The following PUM1 variants were observed in gnomAD, a reference collection of about 807,000 sequenced individuals.
The protein encoded by PUM1 is pumilio homolog 1.
In PUM1, 13 loss-of-function variants were observed where a neutral mutation model predicts 131.8. The ratio of observed to expected loss-of-function variants is 0.10; its 90% CI spans 0.06 to 0.16. The LOEUF (loss-of-function observed/expected upper bound fraction) is 0.16, where lower values mean the gene tolerates loss of function less well. PUM1 is among the 10% of genes least tolerant of loss of function. PUM1 has a pLI of 1.00. For missense variants in PUM1, 961 were observed against 1,512.4 expected (o/e 0.64, Z 6.05); for synonymous variants, 509 against 556.5 (o/e 0.91, Z 1.20).
In PUM1 at chr1:31,056,609, CTTTTTTTTTTTTTTTT is replaced by C. The variant is rs57685772; in HGVS notation, c.363+2579_363+2594del. 2.3e-4 allele frequency among the ~76,000 whole-genome samples: 10 copies of C among 43,710 alleles called. No individual in the cohort carries two copies. The South Asian group carries it at 3.9e-3, about 17-fold the overall frequency. 28.7% of individuals were successfully genotyped at this position (43,710 alleles called of 152,430 possible). On this transcript the variant is annotated intron_variant, in intron 2 of 21. Transcript: ENST00000426105. ...CAGCTGAAAACCTTCCTTTTCTTTT[CTTTTTTTTTTTTTTTT>C]TTTTTTTTTTTTTTTTTTTGAGACA...
intron 1 of PUM1, among the ~76,000 whole-genome samples, 174 bp downstream of exon 1, chr1:31,065,442 T>A (rs1481517253): frequency 1.3e-4 from 20 of 150,226 alleles, no homozygotes; most frequent in African/African-American, 4.9e-4. Flanking sequence ...GCCTTGCTGC[T>A]GACTCCAAAA....
At chr1:30,943,194 T>A (rs557828865) in intron 18 of PUM1, among the ~76,000 whole-genome samples, 1 of 152,340 alleles carries the variant, frequency 6.6e-6, no homozygotes, top group Admixed American at 6.5e-5. Context: ...TCACTCAACA[T>A]TATGATTCCC....
At chr1:31,015,259 T>C (rs1642769559) in intron 3 of PUM1, among the ~76,000 whole-genome samples, 1 of 152,230 alleles carries the variant, frequency 6.6e-6, no homozygotes, top group Non-Finnish European at 1.5e-5. Flanking sequence ...AAAACTGAGA[T>C]TATGGTGGTC....
Position 30,966,446 on chromosome 1 carries a change from G to A in PUM1, c.1790-168C>T, listed in dbSNP as rs967281066. ...CCTTCATATGAAGCTTCTATTTTCT[G>A]TTTCTACTTTCAATTTGAACTCAAA... On this transcript the variant is annotated intron_variant, in intron 12 of 21. Coordinates refer to ENST00000426105, the MANE Select transcript of PUM1 (RefSeq NM_001020658.2). 7.8e-6 allele frequency: 5 copies of A among 642,728 alleles called. No homozygotes were observed. The East Asian group carries it at 1.5e-4, about 19-fold the overall frequency. 39.8% of individuals were successfully genotyped at this position (642,728 alleles called of 1,614,324 possible).
chr1:31,016,893 A>G (rs1642838611), intron 3 of PUM1, among the ~76,000 whole-genome samples: 1 of 152,188 alleles, frequency 6.6e-6, no homozygotes, highest in South Asian at 2.1e-4. Context: ...AGATTTTTTA[A>G]AGGTTTTCCC....
At chr1:31,037,019 A>T in intron 2 of PUM1, 1 of 166,640 alleles carries the variant, frequency 6.0e-6, no homozygotes, top group Non-Finnish European at 1.3e-5. Flanking sequence ...TTTTGTGCTG[A>T]GAACAGATAC....
chr1:31,006,189 G>A (rs1482400674), intron 4 of PUM1, among the ~76,000 whole-genome samples, 158 bp from the exon 5 acceptor site: 2 of 152,162 alleles, frequency 1.3e-5, no homozygotes, highest in Admixed American at 1.3e-4. Flanking sequence ...TTCAACATAA[G>A]CTAAGGAAAT....
At chr1:30,969,316 C>CA (rs763999971) in intron 10 of PUM1, among the ~76,000 whole-genome samples, 2,191 of 51,174 alleles carry the variant, frequency 0.043, 34 homozygotes, top group African/African-American at 0.071. Flanking sequence ...AACACACACA[C>CA]AAAAAAAAAA....
intron 3 of PUM1, among the ~76,000 whole-genome samples, chr1:31,016,567 T>A (rs1389717677): frequency 6.6e-6 from 1 of 152,184 alleles, no homozygotes; most frequent in Non-Finnish European, 1.5e-5. Context: ...AATACTTACA[T>A]GTAAAGATGT....
intron 17 of PUM1, 140 bp from the exon 18 acceptor site, chr1:30,945,623 G>T: frequency 1.2e-6 from 1 of 859,666 alleles, no homozygotes; most frequent in Non-Finnish European, 1.8e-6. Context: ...GTGGAACAAT[G>T]ACAACAGGGA....
chr1:31,052,171 C>T (rs1419739826), intron 2 of PUM1, among the ~76,000 whole-genome samples: 2 of 151,982 alleles, frequency 1.3e-5, no homozygotes, highest in Non-Finnish European at 2.9e-5. Flanking sequence ...CACCACCACA[C>T]CCGGCTAATT....
intron 21 of PUM1, among the ~76,000 whole-genome samples, chr1:30,935,274 A>G (rs373740730): frequency 6.6e-6 from 1 of 152,216 alleles, no homozygotes. Context: ...AAGTCTTCAC[A>G]CACCACGTTC....
At chr1:30,942,772 A>C (rs1411485410) in intron 18 of PUM1, among the ~76,000 whole-genome samples, 2 of 152,130 alleles carry the variant, frequency 1.3e-5, no homozygotes. Flanking sequence ...TGCTTTCTGT[A>C]TGATTTTGTT....
intron 2 of PUM1, among the ~76,000 whole-genome samples, chr1:31,053,507 C>CT (rs1451226655): frequency 7.0e-6 from 1 of 143,730 alleles, no homozygotes; most frequent in East Asian, 2.4e-4. Context: ...GGTCTCAACT[C>CT]TGTCACCCAA....
At chr1:30,938,868 CATAGATAGAG>C (rs1273357141) in intron 20 of PUM1, among the ~76,000 whole-genome samples, 1 of 150,874 alleles carries the variant, frequency 6.6e-6, no homozygotes, top group Admixed American at 6.6e-5. Flanking sequence ...CCATCTCATT[CATAGATAGAG>C]ATAGATAGAT....
rs144356562 is a variant in PUM1 at position 31,010,054 on chromosome 1, T to C, written c.433-2952A>G. On this transcript the variant is annotated intron_variant, in intron 3 of 21. Coordinates refer to ENST00000426105, the MANE Select transcript of PUM1 (RefSeq NM_001020658.2). ...AAATTCTCTCAAAAGGAAACAACAA[T>C]ACAGCAAACATGAAGCAAAGTGCTA... Among the ~76,000 whole-genome samples the C allele has an allele frequency of 9.9e-4, 150 of 152,000 alleles. 2 individuals carry two copies. In the East Asian group the frequency reaches 0.026, roughly 27 times the overall value.
chr1:30,946,339 A>T (rs1462523513), intron 17 of PUM1, among the ~76,000 whole-genome samples: 7 of 78,132 alleles, frequency 9.0e-5, no homozygotes, highest in South Asian at 3.3e-4. Flanking sequence ...GCCTATAATT[A>T]AAAAAAAAAA....
Position 30,999,625 on chromosome 1 carries a change from A to C in PUM1, c.721-4405T>G, listed in dbSNP as rs1305235324. On this transcript the variant is annotated intron_variant, in intron 5 of 21. Transcript: ENST00000426105. The stretch of plus-strand genomic sequence containing the variant: ...CTGTCTCAAAAAAAAAAAAAAAAAA[A>C]AAAAAAAAAAAAAAAAAAGGTGCTG... 4.8e-5 allele frequency among the ~76,000 whole-genome samples: 7 copies of C among 146,638 alleles called. No individual in the cohort carries two copies. The East Asian group carries it at 9.8e-4, about 21-fold the overall frequency.
intron 2 of PUM1, among the ~76,000 whole-genome samples, chr1:31,054,327 A>C (rs543222092): frequency 4.6e-5 from 7 of 152,050 alleles, no homozygotes; most frequent in African/African-American, 1.4e-4. Flanking sequence ...ACCCTGTCTC[A>C]ATAAATAAAA....
Sources: allele counts gnomAD v4.1 joint callset (sites outside exome capture counted in the v4.1 genomes callset), GRCh38; gene constraint gnomAD v4.1.1; transcripts MANE v1.5; gene names NCBI Gene and HGNC (gene_info 2026-07-23, HGNC 2026-07-21).